Variants in BICC1 observed in about 807,000 individuals in gnomAD.
BICC1 encodes protein bicaudal C homolog 1.
Under a neutral mutation model 111.0 loss-of-function variants are expected in BICC1, and 43 were observed. That is an observed-to-expected ratio of 0.39 (90% CI 0.30 to 0.50). BICC1 has a LOEUF of 0.50. Ranked by LOEUF, BICC1 falls within the 20% of genes least tolerant of loss-of-function variation. The pLI, the probability that BICC1 is intolerant of heterozygous loss-of-function variation, is 0.88. For missense variants in BICC1, 1,091 were observed against 1,203.2 expected (o/e 0.91, Z 1.38); for synonymous variants, 467 against 434.4 (o/e 1.07, Z -0.93).
At chr10:58,675,125 T>A (rs1839299213) in intron 2 of BICC1, among the ~76,000 whole-genome samples, 1 of 152,096 alleles carries the variant, frequency 6.6e-6, no homozygotes, top group Admixed American at 6.5e-5. Flanking sequence ...GTGCAACTTA[T>A]TAGATATGGT....
intron 1 of BICC1, among the ~76,000 whole-genome samples, chr10:58,536,202 C>G (rs567743311): frequency 3.3e-5 from 5 of 151,508 alleles, no homozygotes; most frequent in African/African-American, 1.2e-4. Flanking sequence ...ATACTGGACT[C>G]TAGAACAAAC....
At chr10:58,599,972 T>A (rs1844973305) in intron 1 of BICC1, among the ~76,000 whole-genome samples, 1 of 151,610 alleles carries the variant, frequency 6.6e-6, no homozygotes, top group African/African-American at 2.4e-5. Flanking sequence ...GAACATCTTG[T>A]GTTTGTATTC....
intron 10 of BICC1, among the ~76,000 whole-genome samples, chr10:58,796,964 C>T (rs958995685): frequency 7.9e-5 from 12 of 151,972 alleles, no homozygotes; most frequent in African/African-American, 1.9e-4. Flanking sequence ...AAGCAGAACC[C>T]GCATCTCCAG....
chr10:58,612,965 G>A (rs1845481131), intron 1 of BICC1, among the ~76,000 whole-genome samples: 1 of 151,902 alleles, frequency 6.6e-6, no homozygotes, highest in African/African-American at 2.4e-5. Context: ...TAGTTTGGGG[G>A]GATTGTAATA....
At chr10:58,820,691 A>C (rs766450129) in intron 20 of BICC1, among the ~76,000 whole-genome samples, 2 of 152,148 alleles carry the variant, frequency 1.3e-5, no homozygotes, top group African/African-American at 4.8e-5. Flanking sequence ...TCATATATGA[A>C]AATAGATCTC....
At chr10:58,685,974 A>G (rs777211319) in intron 2 of BICC1, among the ~76,000 whole-genome samples, 1 of 152,116 alleles carries the variant, frequency 6.6e-6, no homozygotes, top group Non-Finnish European at 1.5e-5. Flanking sequence ...GGTCTTTACA[A>G]TTTGGCACGT....
At chr10:58,823,595 T>C (rs1404898235) in intron 20 of BICC1, 1 of 985,254 alleles carries the variant, frequency 1.0e-6, no homozygotes, top group Non-Finnish European at 1.2e-6. Context: ...TTGAAAAACT[T>C]TGTCTTCATG....
At chr10:58,688,541 A>C (rs1255631631) in intron 2 of BICC1, among the ~76,000 whole-genome samples, 1 of 152,200 alleles carries the variant, frequency 6.6e-6, no homozygotes, top group African/African-American at 2.4e-5. Flanking sequence ...TATATACCCA[A>C]AGGATTATAA....
intron 3 of BICC1, among the ~76,000 whole-genome samples, chr10:58,777,992 A>G (rs1404841031): frequency 1.3e-5 from 2 of 151,906 alleles, no homozygotes; most frequent in African/African-American, 4.8e-5. Context: ...GGCCGAGTCA[A>G]TGGGTTTCTT....
chr10:58,797,356 A>T (rs1487501070), intron 10 of BICC1, among the ~76,000 whole-genome samples: 1 of 152,146 alleles, frequency 6.6e-6, no homozygotes, highest in Non-Finnish European at 1.5e-5. Flanking sequence ...CTATTCTTGC[A>T]GTCTTTAAAA....
chr10:58,743,426 C>A (rs542499077), intron 3 of BICC1, among the ~76,000 whole-genome samples: 1 of 151,332 alleles, frequency 6.6e-6, no homozygotes, highest in African/African-American at 2.4e-5. Context: ...GCCTCTTCCC[C>A]TCTCTCTAAA....
At chr10:58,692,959 C>T (rs1839955610) in intron 2 of BICC1, among the ~76,000 whole-genome samples, 1 of 151,958 alleles carries the variant, frequency 6.6e-6, no homozygotes. Flanking sequence ...GTGCTGCACC[C>T]ATTAGCTCGT....
chr10:58,642,921 C>A (rs1452732794), intron 2 of BICC1, among the ~76,000 whole-genome samples: 1 of 152,052 alleles, frequency 6.6e-6, no homozygotes, highest in Non-Finnish European at 1.5e-5. Context: ...CCAGGCCAGT[C>A]GCAAACTCCT....
intron 2 of BICC1, among the ~76,000 whole-genome samples, chr10:58,638,426 C>T (rs548033639): frequency 1.3e-5 from 2 of 152,220 alleles, no homozygotes; most frequent in Admixed American, 1.3e-4. Flanking sequence ...ACTCAAGCTG[C>T]AGTTAAAGGA....
At chr10:58,635,913 C>A (rs1277505149) in intron 2 of BICC1, among the ~76,000 whole-genome samples, 1 of 152,190 alleles carries the variant, frequency 6.6e-6, no homozygotes, top group Non-Finnish European at 1.5e-5. Flanking sequence ...ACTAGCCCAG[C>A]CTGTGATGAC....
intron 2 of BICC1, among the ~76,000 whole-genome samples, chr10:58,642,596 T>C (rs796878004): frequency 4.1e-4 from 63 of 152,292 alleles, no homozygotes; most frequent in African/African-American, 1.2e-3. Context: ...GAAAGTGTGG[T>C]TGACTGTACA....
intron 1 of BICC1, among the ~76,000 whole-genome samples, chr10:58,559,540 A>G (rs1333369270): frequency 1.3e-5 from 2 of 152,144 alleles, no homozygotes; most frequent in African/African-American, 4.8e-5. Context: ...ATTGTCTGCA[A>G]ACAGAAACAG....
intron 1 of BICC1, among the ~76,000 whole-genome samples, chr10:58,558,445 A>G (rs749282306): frequency 5.9e-5 from 9 of 152,106 alleles, no homozygotes; most frequent in Non-Finnish European, 1.3e-4. Context: ...TCTCCTGGCA[A>G]TAAGCTGGTT....
intron 2 of BICC1, among the ~76,000 whole-genome samples, chr10:58,662,046 C>G (rs1480630364): frequency 6.6e-6 from 1 of 152,134 alleles, no homozygotes; most frequent in East Asian, 1.9e-4. Flanking sequence ...TGTGTTTTCT[C>G]TGCAGTGAGG....
Sources: allele counts gnomAD v4.1 joint callset (sites outside exome capture counted in the v4.1 genomes callset), GRCh38; gene constraint gnomAD v4.1.1; transcripts MANE v1.5; gene names NCBI Gene and HGNC (gene_info 2026-07-23, HGNC 2026-07-21).